Variants in NEK7 observed in about 807,000 individuals in gnomAD.
NEK7 encodes the protein NIMA related kinase 7.
A neutral mutation model predicts 44.6 loss-of-function variants in NEK7; 18 were observed. That is an observed-to-expected ratio of 0.40 (90% CI 0.28 to 0.60). The LOEUF (loss-of-function observed/expected upper bound fraction) is 0.60, where lower values mean the gene tolerates loss of function less well. Ranked by LOEUF, NEK7 falls within the 20% of genes least tolerant of loss-of-function variation. The pLI is 0.38. For synonymous variants in NEK7, 130 were observed against 121.1 expected, an observed-to-expected ratio of 1.07 and a Z score of -0.48; for missense variants, 256 against 366.5, an observed-to-expected ratio of 0.70 and a Z score of 2.46.
chr1:198,228,226 T>G (rs923394456), intron 1 of NEK7, among the ~76,000 whole-genome samples: 91 of 152,240 alleles, frequency 6.0e-4, no homozygotes, highest in African/African-American at 2.2e-3. Context: ...CATTGGTCTA[T>G]ATCTCTGTTT....
At chr1:198,286,101 G>A (rs1315077808) in intron 7 of NEK7, among the ~76,000 whole-genome samples, 2 of 151,958 alleles carry the variant, frequency 1.3e-5, no homozygotes, top group Non-Finnish European at 2.9e-5. Context: ...AGCTTATTTT[G>A]GTCAATTTAA....
intron 2 of NEK7, among the ~76,000 whole-genome samples, chr1:198,252,530 A>ATATG (rs1553253589): frequency 3.1e-4 from 15 of 48,688 alleles, no homozygotes; most frequent in Non-Finnish European, 4.1e-4. Flanking sequence ...CTCACATACT[A>ATATG]TATATATATA....
intron 1 of NEK7, among the ~76,000 whole-genome samples, chr1:198,204,920 G>A (rs981939740): frequency 2.6e-5 from 4 of 152,028 alleles, no homozygotes; most frequent in African/African-American, 9.7e-5. Context: ...AGGGATGTTT[G>A]TGCTCCCTCC....
chr1:198,200,722 T>G (rs1437224729), intron 1 of NEK7, among the ~76,000 whole-genome samples: 1 of 152,040 alleles, frequency 6.6e-6, no homozygotes, highest in Non-Finnish European at 1.5e-5. Flanking sequence ...GGCTAATTTT[T>G]GTATTTTTAG....
At chr1:198,249,951 G>C (rs916321523) in intron 2 of NEK7, among the ~76,000 whole-genome samples, 7 of 146,380 alleles carry the variant, frequency 4.8e-5, no homozygotes, top group Admixed American at 4.1e-4. Flanking sequence ...TGAAGTCCTT[G>C]CCCATGCCTA....
chr1:198,165,229 T>G (rs181771951), intron 1 of NEK7, among the ~76,000 whole-genome samples: 37 of 152,342 alleles, frequency 2.4e-4, no homozygotes, highest in Middle Eastern at 3.4e-3. Flanking sequence ...CTATTGACAT[T>G]GATATTTTGA....
At chr1:198,260,851 C>A (rs558359277) in intron 3 of NEK7, among the ~76,000 whole-genome samples, 14 of 151,904 alleles carry the variant, frequency 9.2e-5, no homozygotes, top group Non-Finnish European at 2.1e-4. Context: ...AAAGCACATG[C>A]GTTTGTACAA....
At chr1:198,189,936 G>A (rs1214965255) in intron 1 of NEK7, among the ~76,000 whole-genome samples, 2 of 151,890 alleles carry the variant, frequency 1.3e-5, no homozygotes, top group Non-Finnish European at 2.9e-5. Context: ...AAGAGAGGAG[G>A]GTCATTATTT....
rs143820237 is a variant in NEK7, at chr1:198,204,040, T to A, written c.-28-28513T>A. Among the ~76,000 whole-genome samples, 694 of 152,106 alleles carry A rather than the reference T, an allele frequency of 4.6e-3. 9 individuals are homozygous for A. Among genetic ancestry groups the A allele is most frequent in the African/African-American group, 0.016 (672 of 41,502 alleles). On this transcript the variant is annotated intron_variant, in intron 1 of 9. Coordinates refer to ENST00000367385, the MANE Select transcript of NEK7 (RefSeq NM_133494.3). The stretch of plus-strand genomic sequence containing the variant: ...GGGAGCCTGATGTGGAAGGATGACT[T>A]GAGGCCAGGATTTGAGACTGGCCTG...
At chr1:198,290,882 C>T (rs1052748979) in intron 7 of NEK7, among the ~76,000 whole-genome samples, 1 of 152,020 alleles carries the variant, frequency 6.6e-6, no homozygotes, top group African/African-American at 2.4e-5. Context: ...TAACTTTTTG[C>T]AGTGACCTCC....
At chr1:198,163,261 G>T (rs559758343) in intron 1 of NEK7, among the ~76,000 whole-genome samples, 2 of 152,252 alleles carry the variant, frequency 1.3e-5, no homozygotes, top group East Asian at 3.9e-4. Flanking sequence ...GGGAGGCCAA[G>T]GTGGGAAGAT....
At chr1:198,227,524 G>T (rs1666262350) in intron 1 of NEK7, among the ~76,000 whole-genome samples, 1 of 152,168 alleles carries the variant, frequency 6.6e-6, no homozygotes, top group African/African-American at 2.4e-5. Context: ...ATCCTCTCCA[G>T]CACCTGTTGT....
At chr1:198,273,642 T>C (rs375770979) in intron 5 of NEK7, among the ~76,000 whole-genome samples, 5 of 151,784 alleles carry the variant, frequency 3.3e-5, no homozygotes, top group African/African-American at 1.2e-4. Flanking sequence ...TACAAACTTA[T>C]AACAAAGAAT....
At chr1:198,310,635 G>A (rs1655152129) in intron 9 of NEK7, among the ~76,000 whole-genome samples, 1 of 151,850 alleles carries the variant, frequency 6.6e-6, no homozygotes, top group Non-Finnish European at 1.5e-5. Context: ...TGTAAGGAAG[G>A]GATCCAGTTT....
intron 1 of NEK7, among the ~76,000 whole-genome samples, chr1:198,211,483 G>A (rs1665768398): frequency 1.3e-5 from 2 of 152,168 alleles, no homozygotes; most frequent in South Asian, 4.1e-4. Flanking sequence ...GATTTGTGAT[G>A]TGTGTGTACA....
chr1:198,241,836 T>G (rs1306645561), intron 2 of NEK7, among the ~76,000 whole-genome samples: 2 of 151,988 alleles, frequency 1.3e-5, no homozygotes, highest in Admixed American at 6.6e-5. Context: ...TGACACATAG[T>G]TAGCATTCAT....
At chr1:198,308,875 T>C (rs1188915509) in intron 9 of NEK7, among the ~76,000 whole-genome samples, 1 of 152,154 alleles carries the variant, frequency 6.6e-6, no homozygotes, top group Non-Finnish European at 1.5e-5. Context: ...AAGTTCTTGC[T>C]TCAAACCTCA....
intron 8 of NEK7, among the ~76,000 whole-genome samples, chr1:198,294,354 G>T (rs1654650600): frequency 2.0e-5 from 3 of 151,908 alleles, no homozygotes; most frequent in African/African-American, 4.8e-5. Context: ...AAAAGAACTG[G>T]ATTGTTTATA....
intron 3 of NEK7, among the ~76,000 whole-genome samples, chr1:198,257,571 TG>T (rs1392227726): frequency 6.6e-6 from 1 of 152,214 alleles, no homozygotes; most frequent in Non-Finnish European, 1.5e-5. Context: ...GCAGCTTTTA[TG>T]AACTTCATTT....
Sources: allele counts gnomAD v4.1 joint callset (sites outside exome capture counted in the v4.1 genomes callset), GRCh38; gene constraint gnomAD v4.1.1; transcripts MANE v1.5; gene names NCBI Gene and HGNC (gene_info 2026-07-23, HGNC 2026-07-21).